Variants in NR5A2 observed in about 807,000 individuals in gnomAD.
The protein encoded by NR5A2 is CYP7A promoter-binding factor.
NR5A2 carries 26 observed loss-of-function variants against 62.7 expected under a neutral mutation model. The ratio of observed to expected loss-of-function variants is 0.41; its 90% confidence interval spans 0.30 to 0.58. The LOEUF (loss-of-function observed/expected upper bound fraction) is 0.58. Among genes scored for constraint, NR5A2 ranks in the 20% least tolerant of loss-of-function variants. NR5A2 has a pLI of 0.22. For synonymous variants in NR5A2, 246 were observed against 241.7 expected, an observed-to-expected ratio of 1.02 and a Z score of -0.16; for missense variants, 541 against 669.1, an observed-to-expected ratio of 0.81 and a Z score of 2.11.
At chr1:200,054,025 C>G (rs12027437) in intron 5 of NR5A2, 1 of 152,136 alleles carries the variant, frequency 6.6e-6, no homozygotes, top group Admixed American at 6.6e-5. Flanking sequence ...TTTCTTGTTA[C>G]GTATGCTTGT....
chr1:200,038,564 A>G (rs1180373040), intron 1 of NR5A2: 22 of 509,250 alleles, frequency 4.3e-5, no homozygotes, highest in Middle Eastern at 6.3e-4. Flanking sequence ...CCAACTCTGC[A>G]TGTAAGAACG....
intron 5 of NR5A2, among the ~76,000 whole-genome samples, chr1:200,104,001 G>A (rs1029150256): frequency 8.5e-5 from 13 of 152,166 alleles, no homozygotes; most frequent in Admixed American, 6.5e-4. Context: ...GGGGTTTGGT[G>A]GGAATAGAAA....
intron 5 of NR5A2, among the ~76,000 whole-genome samples, chr1:200,102,871 T>C (rs971218085): frequency 3.3e-5 from 5 of 152,194 alleles, no homozygotes; most frequent in East Asian, 1.9e-4. Context: ...GAAGACTTCC[T>C]GAAGGAGGCG....
At chr1:200,057,252 G>A (rs1013050640) in intron 5 of NR5A2, among the ~76,000 whole-genome samples, 3 of 152,014 alleles carry the variant, frequency 2.0e-5, no homozygotes, top group Non-Finnish European at 4.4e-5. Context: ...ACTTTTCTTG[G>A]GTACCCACTA....
intron 7 of NR5A2, among the ~76,000 whole-genome samples, chr1:200,162,114 T>C (rs1653670941): frequency 6.6e-6 from 1 of 152,202 alleles, no homozygotes; most frequent in Non-Finnish European, 1.5e-5. Flanking sequence ...ATTCGACAAA[T>C]GTGAACTGAG....
At chr1:200,099,648 C>T (rs183922038) in intron 5 of NR5A2, among the ~76,000 whole-genome samples, 1 of 152,232 alleles carries the variant, frequency 6.6e-6, no homozygotes, top group East Asian at 1.9e-4. Context: ...GGCTGGAGTG[C>T]AGTGGCGCTA....
At chr1:200,128,477 A>G (rs1418809302) in intron 7 of NR5A2, among the ~76,000 whole-genome samples, 1 of 152,114 alleles carries the variant, frequency 6.6e-6, no homozygotes, top group Admixed American at 6.6e-5. Flanking sequence ...TTTTCTTTGG[A>G]CCATTCACTA....
At position 200,142,569 on chromosome 1, in the gene NR5A2, C is replaced by T. The variant is rs146892355; in HGVS notation, c.1378+21614C>T. 8.8e-3 allele frequency among the ~76,000 whole-genome samples: 1,342 copies of T among 152,178 alleles called. 12 individuals are homozygous for T. Among genetic ancestry groups the T allele is most frequent in the Middle Eastern group, 0.031 (9 of 294 alleles). Reference sequence around the variant, plus strand: ...TTAGAGACAGGGTCTCACTCTGTCACCCAGCCTAGAATGCTATGGCATGAT... The same window carrying T: ...TTAGAGACAGGGTCTCACTCTGTCATCCAGCCTAGAATGCTATGGCATGAT... On this transcript the variant is annotated intron_variant, in intron 7 of 7. Transcript: ENST00000367362.
intron 7 of NR5A2, among the ~76,000 whole-genome samples, chr1:200,130,401 T>C (rs1298472984): frequency 1.3e-5 from 2 of 151,716 alleles, no homozygotes; most frequent in East Asian, 3.9e-4. Context: ...AACGATTCAT[T>C]CACTGTAAGT....
In NR5A2 at chr1:200,174,154, G is replaced by A. The variant is rs995931179; in HGVS notation, c.1570G>A (p.Gly524Arg). 2.2e-5 allele frequency: 36 copies of A among 1,613,482 alleles called. No individual in the cohort carries two copies. The highest frequency in any genetic ancestry group is 2.7e-5 in the Non-Finnish European group (32 of 1,179,822). Residue 524 changes from glycine to arginine, a missense_variant, in exon 8 of 8, where the codon GGG (glycine) becomes AGG (arginine). Physicochemically the swap from Gly to Arg is moderately radical, Grantham distance 125. Around this residue, in one of 3 missense-constraint regions of NR5A2, gnomAD observed 379 missense variants for 442.0 expected, o/e 0.86. Transcript: ENST00000367362. ...EEYLYYKHLN[G>R]DVPYNNLLIE... is the part of the protein sequence containing the mutation. ...ATACCTCTACTACAAGCACCTGAAC[G>A]GGGATGTGCCCTATAATAACCTTCT...
chr1:200,029,199 C>G (rs928493740), intron 1 of NR5A2: 6 of 307,934 alleles, frequency 1.9e-5, no homozygotes, highest in Non-Finnish European at 3.2e-5. Flanking sequence ...CGCGCTCGGG[C>G]CGGAGACGCG....
chr1:200,172,887 T>C (rs1654245375), intron 7 of NR5A2, among the ~76,000 whole-genome samples: 1 of 152,216 alleles, frequency 6.6e-6, no homozygotes, highest in Admixed American at 6.5e-5. Context: ...AATTAGAAAA[T>C]AAAGCAGGGC....
rs570426163 is a variant in NR5A2 at position 200,131,061 on chromosome 1, G to A, written c.1378+10106G>A. On this transcript the variant is annotated intron_variant, in intron 7 of 7. Coordinates refer to ENST00000367362, the MANE Select transcript of NR5A2 (RefSeq NM_205860.3). ...TATATATGCACCTGAGGGTAATGCT[G>A]GCAAATAAGCATTTCCTAAAATTTA... 2.6e-5 allele frequency among the ~76,000 whole-genome samples: 4 copies of A among 152,218 alleles called. No individual in the cohort carries two copies. The South Asian group carries it at 8.3e-4, about 32-fold the overall frequency.
chr1:200,145,468 T>TTGTGTGTGTG (rs66885184), intron 7 of NR5A2, among the ~76,000 whole-genome samples: 180 of 142,208 alleles, frequency 1.3e-3, no homozygotes, highest in East Asian at 4.9e-3. Context: ...TTGATAGAAT[T>TTGTGTGTGTG]TGTGTGTGTG....
chr1:200,070,766 CA>C (rs1053804279), intron 5 of NR5A2, among the ~76,000 whole-genome samples: 1 of 148,696 alleles, frequency 6.7e-6, no homozygotes, highest in African/African-American at 2.5e-5. Flanking sequence ...TCCCCCCCAC[CA>C]AATATATACA....
intron 5 of NR5A2, among the ~76,000 whole-genome samples, chr1:200,085,337 G>A (rs1571445628): frequency 2.6e-5 from 4 of 152,262 alleles, no homozygotes; most frequent in South Asian, 2.1e-4. Context: ...CCCTGGTGCT[G>A]TATTTGATTG....
Position 200,115,396 on chromosome 1 carries a change from T to C in NR5A2, c.1230+4075T>C, listed in dbSNP as rs1571503376. Among the ~76,000 whole-genome samples, 3 of 152,150 alleles carry C rather than the reference T, an allele frequency of 2.0e-5. No individual in the cohort carries two copies. The South Asian group carries it at 6.2e-4, about 32-fold the overall frequency. ...GTGAACTTTCAAACACTGCTAGAAG[T>C]GTGTTTCCATGAAGCACTGTATTGA... is the stretch of plus-strand genomic sequence containing the variant. On this transcript the variant is annotated intron_variant, in intron 6 of 7. Transcript: ENST00000367362.
intron 7 of NR5A2, among the ~76,000 whole-genome samples, chr1:200,129,662 C>T (rs138596448): frequency 6.6e-6 from 1 of 152,338 alleles, no homozygotes; most frequent in African/African-American, 2.4e-5. Context: ...AGGGTGTGAA[C>T]TCGTTGCTTT....
At chr1:200,167,453 C>A (rs1211051632) in intron 7 of NR5A2, among the ~76,000 whole-genome samples, 5 of 152,130 alleles carry the variant, frequency 3.3e-5, no homozygotes, top group Admixed American at 2.0e-4. Flanking sequence ...CCTTGGCCGC[C>A]GTATTTCTCA....
Sources: gnomAD v4.1 joint callset for allele counts (sites outside exome capture counted in the v4.1 genomes callset) on GRCh38, gnomAD v4.1.1 for gene constraint, gnomAD v4.1.1 regional missense constraint, MANE v1.5 for transcripts, NCBI Gene and HGNC (gene_info 2026-07-23, HGNC 2026-07-21) for gene names.